The following SYT14 variants were observed in gnomAD, a reference collection of about 807,000 sequenced individuals.
The protein encoded by SYT14 is synaptotagmin 14, also known as synaptotagmin-14.
SYT14 carries 32 observed loss-of-function variants against 74.2 expected under a neutral mutation model. The observed-to-expected ratio is 0.43, with a 90% CI of 0.33 to 0.58. SYT14 has a LOEUF of 0.58. SYT14 is among the 20% of genes least tolerant of loss of function. The pLI, the probability that SYT14 is intolerant of heterozygous loss-of-function variation, is 0.05. For synonymous variants in SYT14, 298 were observed against 337.7 expected, an observed-to-expected ratio of 0.88 and a Z score of 1.29; for missense variants, 791 against 981.8, an observed-to-expected ratio of 0.81 and a Z score of 2.60.
intron 2 of SYT14, among the ~76,000 whole-genome samples, chr1:209,988,138 T>G (rs1307396354): frequency 6.6e-6 from 1 of 152,190 alleles, no homozygotes; most frequent in Non-Finnish European, 1.5e-5. Context: ...TTATTTGCAT[T>G]TTTTTAGTCT....
chr1:209,950,414 A>G (rs1292609034), intron 1 of SYT14, among the ~76,000 whole-genome samples: 1 of 152,228 alleles, frequency 6.6e-6, no homozygotes, highest in Admixed American at 6.5e-5. Context: ...TCAATTGGAA[A>G]GAACTGTAGT....
intron 7 of SYT14, among the ~76,000 whole-genome samples, chr1:210,149,945 C>T (rs2083125100): frequency 6.6e-6 from 1 of 152,164 alleles, no homozygotes; most frequent in Non-Finnish European, 1.5e-5. Context: ...CTGTAGTTGA[C>T]GTCTGTTTTT....
At chr1:209,970,832 A>T (rs2079242793) in intron 2 of SYT14, among the ~76,000 whole-genome samples, 1 of 151,592 alleles carries the variant, frequency 6.6e-6, no homozygotes, top group East Asian at 2.0e-4. Flanking sequence ...GTCATGTGCC[A>T]CCACGCCCAA....
chr1:210,059,040 T>C (rs114337791), intron 5 of SYT14, among the ~76,000 whole-genome samples: 265 of 152,274 alleles, frequency 1.7e-3, no homozygotes, highest in African/African-American at 5.5e-3. Context: ...TTGACAGCAC[T>C]GTGAACTATG....
intron 7 of SYT14, among the ~76,000 whole-genome samples, chr1:210,117,789 T>G (rs2082388351): frequency 6.6e-6 from 1 of 152,146 alleles, no homozygotes; most frequent in Non-Finnish European, 1.5e-5. Flanking sequence ...AAAGTCAGGT[T>G]TAAAGGTCAA....
intron 5 of SYT14, among the ~76,000 whole-genome samples, chr1:210,041,583 C>A (rs1174411751): frequency 6.6e-6 from 1 of 152,006 alleles, no homozygotes; most frequent in Non-Finnish European, 1.5e-5. Flanking sequence ...GTGAAAAAAG[C>A]AAAGTGTAGA....
intron 2 of SYT14, chr1:209,965,995 C>T (rs1394483757): frequency 6.6e-6 from 3 of 451,656 alleles, no homozygotes; most frequent in African/African-American, 6.0e-5. Context: ...CTCAGCATCC[C>T]AAGTAACTGG....
intron 5 of SYT14, among the ~76,000 whole-genome samples, chr1:210,069,594 A>G (rs1302488599): frequency 6.6e-6 from 1 of 151,914 alleles, no homozygotes; most frequent in Non-Finnish European, 1.5e-5. Context: ...ATTTGTTATA[A>G]TGTGCTTACA....
chr1:210,029,011 C>T (rs1392223953), intron 5 of SYT14, among the ~76,000 whole-genome samples: 1 of 152,084 alleles, frequency 6.6e-6, no homozygotes, highest in Non-Finnish European at 1.5e-5. Flanking sequence ...TGATTTGCAT[C>T]TCCTTAATTA....
At chr1:210,076,075 C>T (rs1003232218) in intron 5 of SYT14, among the ~76,000 whole-genome samples, 10 of 152,084 alleles carry the variant, frequency 6.6e-5, no homozygotes, top group Non-Finnish European at 1.2e-4. Context: ...TTCATTTATC[C>T]ATTGAGATAT....
intron 5 of SYT14, among the ~76,000 whole-genome samples, chr1:210,081,312 C>T (rs1227524237): frequency 6.6e-6 from 1 of 152,166 alleles, no homozygotes; most frequent in Non-Finnish European, 1.5e-5. Context: ...CGGAGCAAGA[C>T]TAAGTCTGCT....
chr1:209,952,936 G>T, intron 2 of SYT14, 180 bp downstream of exon 2: 1 of 1,104,624 alleles, frequency 9.1e-7, no homozygotes, highest in Non-Finnish European at 1.3e-6. Flanking sequence ...TGTGATTATT[G>T]AGAGTTGTTG....
intron 2 of SYT14, among the ~76,000 whole-genome samples, chr1:209,975,730 G>A (rs1470561631): frequency 6.6e-6 from 1 of 152,156 alleles, no homozygotes. Flanking sequence ...AAATGAGTTA[G>A]GGAGGATTCC....
intron 2 of SYT14, among the ~76,000 whole-genome samples, chr1:209,953,458 G>T (rs932279299): frequency 6.6e-6 from 1 of 152,066 alleles, no homozygotes; most frequent in East Asian, 1.9e-4. Flanking sequence ...TAAACTTGGG[G>T]CACTTTCTTT....
chr1:210,163,652 A>G (rs996656241), exon 10 of SYT14: 3 of 453,592 alleles, frequency 6.6e-6, no homozygotes, highest in Non-Finnish European at 1.3e-5. Context: ...TCTCCTTCAC[A>G]CACAGCAAAA....
chr1:210,003,209 T>A (rs4844935), intron 2 of SYT14, among the ~76,000 whole-genome samples: 7,645 of 152,272 alleles, frequency 0.05, 1,059 homozygotes, highest in East Asian at 0.42. Flanking sequence ...GCCAACTTTG[T>A]CATACATCAG....
intron 7 of SYT14, among the ~76,000 whole-genome samples, chr1:210,143,312 T>C (rs1329906695): frequency 1.3e-5 from 2 of 152,186 alleles, no homozygotes; most frequent in Non-Finnish European, 2.9e-5. Context: ...GGTGAAAGAA[T>C]CAGGGAAATA....
intron 2 of SYT14, among the ~76,000 whole-genome samples, chr1:210,000,068 T>G (rs569795505): frequency 6.6e-6 from 1 of 151,332 alleles, no homozygotes; most frequent in Middle Eastern, 3.4e-3. Context: ...AAAGTTATGA[T>G]TTTATTTTTA....
intron 1 of SYT14, among the ~76,000 whole-genome samples, chr1:209,940,340 C>T (rs2078708731): frequency 6.6e-6 from 1 of 151,202 alleles, no homozygotes; most frequent in Admixed American, 6.6e-5. Flanking sequence ...CATTCAGTTT[C>T]TTCATTCACC....
Sources: allele counts gnomAD v4.1 joint callset (sites outside exome capture counted in the v4.1 genomes callset), GRCh38; gene constraint gnomAD v4.1.1; transcripts MANE v1.5; gene names NCBI Gene and HGNC (gene_info 2026-07-23, HGNC 2026-07-21).